The following ZNF680 variants were observed in gnomAD, a reference collection of about 807,000 sequenced individuals.
ZNF680 encodes hypothetical protein FLJ90430.
In ZNF680, 6 loss-of-function variants were observed where a neutral mutation model predicts 12.1. That is an observed-to-expected ratio of 0.49 (90% CI 0.27 to 0.98). The LOEUF (loss-of-function observed/expected upper bound fraction) is 0.98. Among genes scored for constraint, ZNF680 ranks in the 50% least tolerant of loss-of-function variants. The pLI, the probability that ZNF680 is intolerant of heterozygous loss-of-function variation, is 0.12. For missense variants in ZNF680, 561 were observed against 616.3 expected (o/e 0.91, Z 0.95); for synonymous variants, 170 against 199.3 (o/e 0.85, Z 1.24).
At chr7:64,561,758 C>T (rs1387920255) in intron 1 of ZNF680, among the ~76,000 whole-genome samples, 1 of 151,046 alleles carries the variant, frequency 6.6e-6, no homozygotes. Context: ...CTTGGTGAAA[C>T]CCTGTCCCTA....
intron 1 of ZNF680, among the ~76,000 whole-genome samples, chr7:64,555,231 G>A (rs914444582): frequency 5.3e-5 from 8 of 151,902 alleles, no homozygotes; most frequent in African/African-American, 1.5e-4. Flanking sequence ...ATTACCATGT[G>A]GCACATACTC....
chr7:64,561,231 C>CACCT, intron 1 of ZNF680: 1 of 155,510 alleles, frequency 6.4e-6, no homozygotes, highest in South Asian at 2.0e-4. Context: ...CCAGGGCATC[C>CACCT]ACCTGCTCCC....
intron 1 of ZNF680, 139 bp downstream of exon 1, chr7:64,562,786 G>A (rs1431450495): frequency 1.4e-5 from 13 of 928,816 alleles, no homozygotes; most frequent in East Asian, 2.5e-5. Flanking sequence ...AGGGGACTGA[G>A]GACCGAGCTG....
At chr7:64,557,356 A>C (rs1271228579) in intron 1 of ZNF680, among the ~76,000 whole-genome samples, 1 of 151,578 alleles carries the variant, frequency 6.6e-6, no homozygotes, top group African/African-American at 2.4e-5. Flanking sequence ...GGAATTCGAG[A>C]CCAGCCTGAC....
intron 1 of ZNF680, among the ~76,000 whole-genome samples, chr7:64,555,808 A>G (rs1034723259): frequency 5.9e-5 from 9 of 151,468 alleles, no homozygotes; most frequent in African/African-American, 1.7e-4. Context: ...CCAAATAAAC[A>G]CAATTAGAAA....
intron 1 of ZNF680, among the ~76,000 whole-genome samples, chr7:64,546,148 CA>C (rs1364211654): frequency 6.6e-6 from 1 of 152,290 alleles, no homozygotes; most frequent in Middle Eastern, 3.4e-3. Context: ...AAGTACTAAA[CA>C]CATGGCATTC....
At chr7:64,502,771 T>C in the ZNF680 span, among the ~76,000 whole-genome samples, 1 of 143,204 alleles carries the variant, frequency 7.0e-6, no homozygotes, top group Admixed American at 7.0e-5. Flanking sequence ...CACCAGAGGA[T>C]TGAATCATAT....
chr7:64,537,457 T>A (rs990452119), intron 3 of ZNF680, among the ~76,000 whole-genome samples: 37 of 152,120 alleles, frequency 2.4e-4, no homozygotes, highest in Admixed American at 2.3e-3. Context: ...TCTATAAAAA[T>A]CCCAATAGCA....
At chr7:64,512,046 C>T in the ZNF680 span, among the ~76,000 whole-genome samples, 1 of 145,996 alleles carries the variant, frequency 6.8e-6, no homozygotes, top group Non-Finnish European at 1.5e-5. Flanking sequence ...AAGACAAGAG[C>T]AAGACTTGGT....
chr7:64,516,519 T>C (rs1368410921), downstream of ZNF680, among the ~76,000 whole-genome samples: 1 of 152,028 alleles, frequency 6.6e-6, no homozygotes, highest in Non-Finnish European at 1.5e-5. Context: ...ATAATAATAG[T>C]GGGGGACTTC....
At chr7:64,545,770 T>C (rs1235449432) in intron 1 of ZNF680, among the ~76,000 whole-genome samples, 2 of 152,204 alleles carry the variant, frequency 1.3e-5, no homozygotes, top group African/African-American at 4.8e-5. Flanking sequence ...AATGCCATTC[T>C]GTTTAAATAA....
the ZNF680 span, among the ~76,000 whole-genome samples, chr7:64,510,735 C>T: frequency 1.5e-5 from 2 of 132,520 alleles, 1 homozygote; most frequent in African/African-American, 5.8e-5. Context: ...ATGGTGAAAC[C>T]CCGTCTCTAC....
chr7:64,549,243 T>C (rs1786943715), intron 1 of ZNF680, among the ~76,000 whole-genome samples: 1 of 152,126 alleles, frequency 6.6e-6, no homozygotes, highest in Non-Finnish European at 1.5e-5. Context: ...AGTACCACAT[T>C]TTACAGGTAG....
rs1293205718 is a variant in ZNF680, at chr7:64,531,455, G to A, written c.254-8955C>T. Among the ~76,000 whole-genome samples the A allele has an allele frequency of 4.6e-5, 7 of 152,182 alleles. No individual in the cohort carries two copies. The East Asian group carries it at 1.4e-3, about 30-fold the overall frequency. ...CTAAAAAATACAAAAAAATTAGCCA[G>A]GCATGGTGGCGGGTGCCTGTAGTCC... On this transcript the variant is annotated intron_variant, in intron 3 of 3. Transcript: ENST00000309683.
At chr7:64,550,537 T>C (rs1400261105) in intron 1 of ZNF680, among the ~76,000 whole-genome samples, 2 of 152,204 alleles carry the variant, frequency 1.3e-5, no homozygotes, top group African/African-American at 2.4e-5. Context: ...ATGGACATTT[T>C]AGCAACACGA....
At chr7:64,516,392 G>A (rs2116336282), downstream of ZNF680, among the ~76,000 whole-genome samples, 1 of 152,250 alleles carries the variant, frequency 6.6e-6, no homozygotes, top group East Asian at 1.9e-4. Context: ...GTAGGACCTG[G>A]GAGACAGCCC....
In ZNF680 at chr7:64,562,639, G is replaced by A. The variant is rs752774751; in HGVS notation, c.30+286C>T. On this transcript the variant is annotated intron_variant, in intron 1 of 3. Transcript: ENST00000309683. ...TTCCCATTTATGAACCCTGCACCCC[G>A]AGTTATCGGCAGAGATGCGGCACTG... 2.0e-5 allele frequency among the ~76,000 whole-genome samples: 3 copies of A among 152,222 alleles called. No individual in the cohort carries two copies. In the South Asian group the frequency reaches 6.2e-4, roughly 31 times the overall value.
the ZNF680 span, among the ~76,000 whole-genome samples, chr7:64,506,723 C>T: frequency 1.3e-5 from 2 of 151,978 alleles, no homozygotes; most frequent in Admixed American, 1.3e-4. Flanking sequence ...TAATTATTTT[C>T]TGTTTGAAGT....
chr7:64,544,370 G>A lies in ZNF680; in HGVS notation c.93C>T (p.Asp31=). The A allele has an allele frequency of 3.7e-6, 6 of 1,605,280 alleles. No individual in the cohort carries two copies. The highest frequency in any genetic ancestry group is 5.1e-6 in the Non-Finnish European group (6 of 1,174,612). ...TCCTATATAAATTCCGTTGTGCAGTGTCCAGGCATTGCCACTCCTCCAGAG... is the reference window on the plus strand; with the variant it reads ...TCCTATATAAATTCCGTTGTGCAGTATCCAGGCATTGCCACTCCTCCAGAG... The part of the protein sequence containing the change: ...EFSLEEWQCL[D]TAQRNLYRKV... Residue 31 remains aspartate (D), a synonymous_variant, in exon 2 of 4, where the codon GAC becomes GAT. Transcript: ENST00000309683.
Sources: allele counts gnomAD v4.1 joint callset (sites outside exome capture counted in the v4.1 genomes callset), GRCh38; gene constraint gnomAD v4.1.1; transcripts MANE v1.5; gene names NCBI Gene and HGNC (gene_info 2026-07-23, HGNC 2026-07-21).